Variants in IPO9 observed in about 807,000 individuals in gnomAD.
IPO9 encodes importin 9.
In IPO9, 28 loss-of-function variants were observed where a neutral mutation model predicts 128.6. The ratio of observed to expected loss-of-function variants is 0.22; its 90% confidence interval spans 0.16 to 0.30. The LOEUF is 0.30. Ranked by LOEUF, IPO9 falls within the 10% of genes least tolerant of loss-of-function variation. The pLI is 1.00. For synonymous variants in IPO9, 455 were observed against 475.8 expected, an observed-to-expected ratio of 0.96 and a Z score of 0.57; for missense variants, 935 against 1,293.9, an observed-to-expected ratio of 0.72 and a Z score of 4.26.
chr1:201,857,555 G>A (rs1243754725), intron 11 of IPO9, among the ~76,000 whole-genome samples: 1 of 152,148 alleles, frequency 6.6e-6, no homozygotes, highest in Non-Finnish European at 1.5e-5. Flanking sequence ...CAGCACTTGG[G>A]GAGGCCGAGG....
chr1:201,878,556 C>CT lies in IPO9; in HGVS notation c.*2504dup, dbSNP rs2102894465. ...GACTGGGCATCCTGCCTCAGGAGAA[C>CT]TTGAGTCCTGAGGAAAGGGCCCTAG... is the stretch of plus-strand genomic sequence containing the variant. On this transcript the variant is annotated 3_prime_UTR_variant, in exon 24 of 24. Coordinates refer to ENST00000361565, the MANE Select transcript of IPO9 (RefSeq NM_018085.5). 6.5e-6 allele frequency: 1 copy of CT among 152,716 alleles called. No homozygotes were observed. The highest frequency in any genetic ancestry group is 2.1e-4 in the South Asian group (1 of 4,828). The allele number at this position is 152,716 out of a possible 1,614,324, so 9.5% of individuals were successfully genotyped here.
chr1:201,871,593 A>G (rs1414376862), intron 19 of IPO9, among the ~76,000 whole-genome samples: 1 of 151,728 alleles, frequency 6.6e-6, no homozygotes, highest in Non-Finnish European at 1.5e-5. Context: ...GGGTTTCACC[A>G]TGTTGGCCAG....
intron 16 of IPO9, among the ~76,000 whole-genome samples, chr1:201,869,191 C>T (rs958410754): frequency 1.3e-5 from 2 of 152,160 alleles, no homozygotes; most frequent in Non-Finnish European, 2.9e-5. Flanking sequence ...GCAGAGGTTG[C>T]AGTGAGTGGA....
chr1:201,848,684 A>G, intron 4 of IPO9, 90 bp downstream of exon 4: 1 of 1,249,114 alleles, frequency 8.0e-7, no homozygotes, highest in Non-Finnish European at 1.2e-6. Context: ...GGCCTGGACC[A>G]GTAGGAATTG....
In IPO9 at chr1:201,858,836, C is replaced by T. The variant is rs777368109; in HGVS notation, c.1329-19C>T. 6.3e-7 allele frequency: 1 copy of T among 1,585,200 alleles called. No homozygotes were observed. The highest frequency in any genetic ancestry group is 8.6e-7 in the Non-Finnish European group (1 of 1,156,734). On this transcript the variant is annotated intron_variant, in intron 12 of 23. Transcript: ENST00000361565. ...TGGCAGTTTAGTATGTTTTACTAGG[C>T]TGTAGTATCCTTTCACAGGTGGAAG...
At chr1:201,865,062 G>A (rs1221109590) in intron 14 of IPO9, among the ~76,000 whole-genome samples, 2 of 152,098 alleles carry the variant, frequency 1.3e-5, no homozygotes, top group East Asian at 1.9e-4. Context: ...TGTGGATCCC[G>A]ATTAAGAACT....
intron 1 of IPO9, among the ~76,000 whole-genome samples, chr1:201,845,971 A>G (rs1007272319): frequency 1.3e-5 from 2 of 152,212 alleles, no homozygotes; most frequent in Admixed American, 6.5e-5. Flanking sequence ...AGCCAGGCAC[A>G]GTGGCGTGCA....
intron 16 of IPO9, 149 bp downstream of exon 16, chr1:201,868,945 T>A (rs1291774548): frequency 8.0e-7 from 1 of 1,256,988 alleles, no homozygotes; most frequent in South Asian, 1.8e-5. Flanking sequence ...AGTGGGTGAT[T>A]CTCTGAAGCT....
chr1:201,844,908 T>A (rs1259238352), intron 1 of IPO9, among the ~76,000 whole-genome samples: 5 of 152,222 alleles, frequency 3.3e-5, no homozygotes, highest in Admixed American at 6.5e-5. Flanking sequence ...AAATAACTTA[T>A]TTTTGTTTTC....
At chr1:201,861,219 A>G (rs1303963958) in intron 13 of IPO9, among the ~76,000 whole-genome samples, 2 of 152,218 alleles carry the variant, frequency 1.3e-5, no homozygotes, top group Non-Finnish European at 1.5e-5. Context: ...TTACTGTGAA[A>G]ATAGTTTTAA....
intron 1 of IPO9, among the ~76,000 whole-genome samples, chr1:201,838,569 GA>G (rs1558215695): frequency 6.6e-6 from 1 of 152,102 alleles, no homozygotes; most frequent in Non-Finnish European, 1.5e-5. Context: ...TCTGTAGGGG[GA>G]TTGTGCAAGT....
chr1:201,871,138 C>G (rs372375363), intron 18 of IPO9, 23 bp from the exon 19 acceptor site: 33 of 1,607,352 alleles, frequency 2.1e-5, no homozygotes, highest in Non-Finnish European at 2.8e-5. Context: ...TTCCCTGAAG[C>G]AAATGTCCTT....
chr1:201,851,070 C>T (rs1221605797), intron 4 of IPO9, among the ~76,000 whole-genome samples: 3 of 152,016 alleles, frequency 2.0e-5, no homozygotes, highest in African/African-American at 7.3e-5. Flanking sequence ...GGCTCAGGTA[C>T]AGTGGCACTG....
At chr1:201,875,842 T>C (rs915075527) in intron 23 of IPO9, 102 bp from the exon 24 acceptor site, 5 of 760,138 alleles carry the variant, frequency 6.6e-6, no homozygotes, top group Non-Finnish European at 1.2e-5. Context: ...GGCATTTGTC[T>C]AAAAACCAGC....
Position 201,836,437 on chromosome 1 carries a change from G to A in IPO9, c.163+7065G>A, listed in dbSNP as rs553606124. Among the ~76,000 whole-genome samples, 33 of 152,212 alleles carry A rather than the reference G, an allele frequency of 2.2e-4. No individual in the cohort carries two copies. In the South Asian group the frequency reaches 6.4e-3, roughly 30 times the overall value. On this transcript the variant is annotated intron_variant, in intron 1 of 23. Coordinates refer to ENST00000361565, the MANE Select transcript of IPO9 (RefSeq NM_018085.5). The stretch of plus-strand genomic sequence containing the variant: ...GTCTTGCTCTGTCATCCAGGCTGGA[G>A]TGCAGTGGTGTGATCATAGCTCACT...
intron 1 of IPO9, among the ~76,000 whole-genome samples, chr1:201,838,168 G>A (rs1285598555): frequency 6.6e-6 from 1 of 152,204 alleles, no homozygotes; most frequent in African/African-American, 2.4e-5. Context: ...ACCAGAATTG[G>A]TTCACCATGT....
chr1:201,874,914 C>T lies in IPO9; in HGVS notation c.2916C>T (p.Asp972=). The change falls in exon 22 of 24, where the codon GAC becomes GAT. Residue 972 remains aspartate, a synonymous_variant. Transcript: ENST00000361565. The part of the protein sequence containing the change: ...EDGLAGQLLS[D]ILATSKYEED... ...GTTTAGCTGGCCAACTTTTATCTGA[C>T]ATTCTTGCTACAAGTAAATATGGTA... is the stretch of plus-strand genomic sequence containing the variant. 6.2e-7 allele frequency: 1 copy of T among 1,611,924 alleles called. No homozygotes were observed. Among genetic ancestry groups the T allele is most frequent in the Non-Finnish European group, 8.5e-7 (1 of 1,177,978 alleles).
chr1:201,837,195 A>G (rs905398313), intron 1 of IPO9, among the ~76,000 whole-genome samples: 2 of 152,160 alleles, frequency 1.3e-5, no homozygotes, highest in Non-Finnish European at 2.9e-5. Flanking sequence ...AATTTTGTAT[A>G]TGATCTTTGA....
intron 18 of IPO9, 144 bp from the exon 19 acceptor site, chr1:201,871,017 A>G (rs1195442232): frequency 8.7e-6 from 11 of 1,271,152 alleles, no homozygotes; most frequent in Non-Finnish European, 1.2e-5. Flanking sequence ...AGAAACATGG[A>G]CAAGGAAATC....
Sources: allele counts gnomAD v4.1 joint callset (sites outside exome capture counted in the v4.1 genomes callset), GRCh38; gene constraint gnomAD v4.1.1; transcripts MANE v1.5; gene names NCBI Gene and HGNC (gene_info 2026-07-23, HGNC 2026-07-21).